Variants in HELLS observed in about 807,000 individuals in gnomAD.
HELLS encodes the protein helicase, lymphoid specific, also known as lymphoid-specific helicase.
HELLS carries 32 observed loss-of-function variants against 120.0 expected under a neutral mutation model. The observed-to-expected ratio is 0.27, with a 90% CI of 0.20 to 0.36. HELLS has a LOEUF of 0.36. Among genes scored for constraint, HELLS ranks in the 10% least tolerant of loss-of-function variants. The probability of loss-of-function intolerance (pLI) is 1.00; values close to 1 mark genes in which losing one functional copy is unlikely to be tolerated. For missense variants in HELLS, 650 were observed against 993.4 expected (o/e 0.65, Z 4.65); for synonymous variants, 341 against 323.4 (o/e 1.05, Z -0.58).
At position 94,588,344 on chromosome 10, in the gene HELLS, C is replaced by T. The variant is rs1339092391; in HGVS notation, c.1442C>T (p.Thr481Ile). The T allele has an allele frequency of 1.2e-6, 2 of 1,612,170 alleles. No individual in the cohort carries two copies. Among genetic ancestry groups the T allele is most frequent in the Non-Finnish European group, 1.7e-6 (2 of 1,178,932 alleles). ...TCAAAGAAGCAGGAGATCTTTTATACAGCCATTGTGAACCGTACAATTGCA... is the reference window on the plus strand; with the variant it reads ...TCAAAGAAGCAGGAGATCTTTTATATAGCCATTGTGAACCGTACAATTGCA... ...PLSKKQEIFY[T>I]AIVNRTIANM... The change falls in exon 13 of 22, where the codon ACA becomes ATA. Residue 481 changes from threonine to isoleucine, a missense_variant. This residue lies in a region of HELLS where 191 missense variants were observed against 259.7 expected (regional missense o/e 0.74). Transcript: ENST00000348459.
chr10:94,551,960 C>T (rs559821722), intron 2 of HELLS, among the ~76,000 whole-genome samples: 1 of 152,180 alleles, frequency 6.6e-6, no homozygotes, highest in South Asian at 2.1e-4. Context: ...AGGACAGTCT[C>T]AATCTCCTGA....
chr10:94,553,061 C>G (rs779382687), intron 2 of HELLS, among the ~76,000 whole-genome samples: 8 of 152,104 alleles, frequency 5.3e-5, no homozygotes, highest in Non-Finnish European at 1.0e-4. Flanking sequence ...CTATCCAAAT[C>G]AACTTGTTTA....
chr10:94,568,016 T>G (rs955215454), intron 6 of HELLS, among the ~76,000 whole-genome samples: 4 of 151,132 alleles, frequency 2.6e-5, no homozygotes, highest in Non-Finnish European at 5.9e-5. Flanking sequence ...TTCAAGTGAT[T>G]CTCCTGCCTC....
chr10:94,592,576 A>C, intron 17 of HELLS, 62 bp downstream of exon 17: 1 of 1,137,432 alleles, frequency 8.8e-7, no homozygotes, highest in South Asian at 3.0e-5. Context: ...TTGATTTCTG[A>C]AGTAATATTC....
chr10:94,610,873 G>A (rs1846186648), exon 10 of HELLS: 1 of 152,218 alleles, frequency 6.6e-6, no homozygotes, highest in East Asian at 1.9e-4. Flanking sequence ...TACAGGGTGT[G>A]AGCCACTGCA....
rs1842715098 is a variant in HELLS, at chr10:94,545,799, G to A, written c.-123G>A. The A allele has an allele frequency of 7.1e-6, 8 of 1,120,944 alleles. No homozygotes were observed. The highest frequency in any genetic ancestry group is 1.1e-5 in the Non-Finnish European group (8 of 754,172). The allele number at this position is 1,120,944 out of a possible 1,614,324, so 69.4% of individuals were successfully genotyped here. A position where few individuals can be genotyped will look rare whatever the true frequency, so the allele number is the denominator to read the frequency against. On this transcript the variant is annotated 5_prime_UTR_variant, in exon 1 of 22. Coordinates refer to ENST00000348459, the MANE Select transcript of HELLS (RefSeq NM_018063.5). Reference sequence around the variant, plus strand: ...CAGGATTTTCCCGCGAAGGAGAAGCGCGCTTTTTTCCCTGGCGGGGGATTT... The same window carrying A: ...CAGGATTTTCCCGCGAAGGAGAAGCACGCTTTTTTCCCTGGCGGGGGATTT...
intron 21 of HELLS, among the ~76,000 whole-genome samples, chr10:94,599,187 C>T (rs1173974257): frequency 6.6e-6 from 1 of 152,058 alleles, no homozygotes. Flanking sequence ...ATGAGACATA[C>T]AGCATCATGG....
rs763549682 is a variant in HELLS, at chr10:94,581,459, A to G, written c.1166A>G (p.Asn389Ser). 6 of 1,613,044 alleles carry G rather than the reference A, an allele frequency of 3.7e-6. No homozygotes were observed. In the South Asian group the frequency reaches 6.6e-5, roughly 18 times the overall value. Residue 389 changes from asparagine to serine, a missense_variant, in exon 11 of 22, where the codon AAT becomes AGT. Coordinates refer to ENST00000348459, the MANE Select transcript of HELLS (RefSeq NM_018063.5). ...LLLTGTPLQN[N>S]LSELWSLLNF... is the part of the protein sequence containing the mutation. ...TTGACTGGTACTCCCTTGCAAAACA[A>G]TTTATCAGAACTTTGGTCATTGCTA...
chr10:94,596,997 AATT>A (rs1845771583), intron 20 of HELLS, 35 bp from the exon 21 acceptor site: 1 of 1,470,546 alleles, frequency 6.8e-7, no homozygotes, highest in Admixed American at 1.7e-5. Context: ...TGTAGCTTTG[AATT>A]ATTCACATAG....
intron 6 of HELLS, 35 bp from the exon 7 acceptor site, chr10:94,571,353 A>G (rs1482614794): frequency 2.2e-6 from 3 of 1,391,026 alleles, no homozygotes; most frequent in South Asian, 2.4e-5. Flanking sequence ...AACTTCATAC[A>G]TTATTAATTT....
At chr10:94,586,701 T>C (rs1334379326) in intron 12 of HELLS, among the ~76,000 whole-genome samples, 1 of 152,016 alleles carries the variant, frequency 6.6e-6, no homozygotes, top group Non-Finnish European at 1.5e-5. Flanking sequence ...GTAGTAGTAG[T>C]AGTATTTTTT....
At chr10:94,587,262 A>C (rs1045579525) in intron 12 of HELLS, among the ~76,000 whole-genome samples, 2 of 152,124 alleles carry the variant, frequency 1.3e-5, no homozygotes, top group Admixed American at 6.6e-5. Context: ...TTTTAAAAAA[A>C]CTTTTAGTTT....
intron 4 of HELLS, among the ~76,000 whole-genome samples, chr10:94,562,420 G>A (rs544192075): frequency 1.1e-4 from 16 of 152,034 alleles, no homozygotes; most frequent in African/African-American, 3.1e-4. Flanking sequence ...ACAAACAAAC[G>A]AAATGCCAAC....
chr10:94,559,690 C>T (rs1005001421), intron 4 of HELLS, among the ~76,000 whole-genome samples: 4 of 151,716 alleles, frequency 2.6e-5, no homozygotes, highest in African/African-American at 4.8e-5. Context: ...ATGATCCACC[C>T]GCCTCAGCCT....
At chr10:94,555,072 G>A (rs1169915851) in intron 3 of HELLS, among the ~76,000 whole-genome samples, 1 of 152,146 alleles carries the variant, frequency 6.6e-6, no homozygotes, top group African/African-American at 2.4e-5. Context: ...GAGCCAAGGA[G>A]ATTGAGGCTG....
chr10:94,602,657 AT>A (rs1001015796), downstream of HELLS, among the ~76,000 whole-genome samples: 4 of 151,776 alleles, frequency 2.6e-5, no homozygotes, highest in Admixed American at 6.6e-5. Context: ...GAAAAACTTA[AT>A]TTTTTTTCCC....
At position 94,596,983 on chromosome 10, in the gene HELLS, A is replaced by G. The variant is rs759089008; in HGVS notation, c.2345+27A>G. The G allele has an allele frequency of 4.2e-5, 62 of 1,461,450 alleles. No homozygotes were observed. In the South Asian group the frequency reaches 7.2e-4, roughly 17 times the overall value. The allele number at this position is 1,461,450 out of a possible 1,614,324, so 90.5% of individuals were successfully genotyped here. ...TGAGTTTTTAATTTTAGAAAGATTTAATTTGTAGCTTTGAATTATTCACAT... is the reference window on the plus strand; with the variant it reads ...TGAGTTTTTAATTTTAGAAAGATTTGATTTGTAGCTTTGAATTATTCACAT... On this transcript the variant is annotated intron_variant, in intron 20 of 21. Transcript: ENST00000348459.
intron 7 of HELLS, among the ~76,000 whole-genome samples, chr10:94,572,772 C>T (rs762816569): frequency 6.6e-6 from 1 of 152,162 alleles, no homozygotes; most frequent in Non-Finnish European, 1.5e-5. Flanking sequence ...GTAAACACAT[C>T]ATTTTATTCT....
At chr10:94,559,757 A>G (rs1438875938) in intron 4 of HELLS, among the ~76,000 whole-genome samples, 4 of 152,044 alleles carry the variant, frequency 2.6e-5, no homozygotes, top group East Asian at 1.9e-4. Context: ...CCTGAGTTCA[A>G]TATTAATCAA....
Sources: allele counts gnomAD v4.1 joint callset (sites outside exome capture counted in the v4.1 genomes callset), GRCh38; gene constraint gnomAD v4.1.1; regional missense constraint gnomAD v4.1.1; transcripts MANE v1.5; gene names NCBI Gene and HGNC (gene_info 2026-07-23, HGNC 2026-07-21).